ERICH1: variants seen among roughly 807,000 people sequenced by gnomAD.
ERICH1 encodes the protein glutamate rich 1.
ERICH1 carries 56 observed loss-of-function variants against 39.6 expected under a neutral mutation model. That is an observed-to-expected ratio of 1.41 (90% CI 1.14 to 1.77). The LOEUF (loss-of-function observed/expected upper bound fraction) is 1.77, where lower values mean the gene tolerates loss of function less well. Among genes scored for constraint, ERICH1 ranks in the 40% most tolerant of loss-of-function variants. The pLI is 0.00. For missense variants in ERICH1, 826 were observed against 575.4 expected (o/e 1.44, Z -4.45); for synonymous variants, 313 against 223.6 (o/e 1.40, Z -3.57).
In ERICH1 at chr8:673,409, C is replaced by T. The variant is rs1448113697; in HGVS notation, c.943G>A (p.Ala315Thr). The T allele has an allele frequency of 1.2e-6, 2 of 1,613,072 alleles. No individual in the cohort carries two copies. Among genetic ancestry groups the T allele is most frequent in the South Asian group, 1.1e-5 (1 of 90,982 alleles). ...GCACCGTCCTCCTCCCCGGAGTCTG[C>T]ACCCTCTTCCTCCCCAGCCCATGTC... ...DPTWAGEEEG[A>T]DSGEEDGADA... The change falls in exon 4 of 6, where the codon GCA becomes ACA. Residue 315 changes from alanine to threonine, a missense_variant. Ala to Thr is a moderately conservative substitution (Grantham distance 58). Coordinates refer to ENST00000262109, the MANE Select transcript of ERICH1 (RefSeq NM_207332.3).
intron 3 of ERICH1, among the ~76,000 whole-genome samples, chr8:685,938 G>A (rs566276275): frequency 5.4e-5 from 8 of 148,838 alleles, no homozygotes; most frequent in South Asian, 4.2e-4. Flanking sequence ...TGACCCCAGC[G>A]GTTCGAGACC....
chr8:629,881 CCTCCT>C, intron 3 of ERICH1, among the ~76,000 whole-genome samples: 1 of 129,780 alleles, frequency 7.7e-6, no homozygotes, highest in African/African-American at 3.3e-5. Flanking sequence ...TGACTCACAC[CCTCCT>C]GTGAGCACCC....
chr8:668,764 G>T lies in ERICH1; in HGVS notation c.1092C>A (p.Ala364=). 6.2e-7 allele frequency: 1 copy of T among 1,611,688 alleles called. No homozygotes were observed. Among genetic ancestry groups the T allele is most frequent in the South Asian group, 1.1e-5 (1 of 90,928 alleles). Residue 364 remains alanine (A), a synonymous_variant, in exon 5 of 6, where the codon GCC becomes GCA. Transcript: ENST00000262109. ...DGVSRDAASA[A]LADAAEELLD... ...GCAGCTCCTCAGCGGCATCTGCGAG[G>T]GCAGCTGAAGCTGCATCTCTGGAGA...
chr8:628,898 C>T (rs1000212654), intron 3 of ERICH1, among the ~76,000 whole-genome samples: 1 of 152,170 alleles, frequency 6.6e-6, no homozygotes, highest in Non-Finnish European at 1.5e-5. Flanking sequence ...CTTCCGCTCA[C>T]GAACCTCGGG....
chr8:634,168 C>CAAA (rs56687918), intron 3 of ERICH1, among the ~76,000 whole-genome samples: 12 of 91,996 alleles, frequency 1.3e-4, no homozygotes, highest in East Asian at 5.3e-4. Flanking sequence ...TCCTAAAACT[C>CAAA]AAAAAAAAAA....
chr8:620,434 C>T (rs1468405794), intron 3 of ERICH1, among the ~76,000 whole-genome samples: 1 of 152,132 alleles, frequency 6.6e-6, no homozygotes, highest in Non-Finnish European at 1.5e-5. Context: ...AGGCAGAGAT[C>T]ATCAGACTGA....
intron 1 of ERICH1, among the ~76,000 whole-genome samples, chr8:721,881 C>G (rs751111851): frequency 2.0e-5 from 3 of 152,290 alleles, no homozygotes; most frequent in Admixed American, 6.5e-5. Flanking sequence ...CTTATGAGCT[C>G]TAGATAGAGG....
At position 676,546 on chromosome 8, in the gene ERICH1, C is replaced by T. The variant is rs558340592; in HGVS notation, c.305-2499G>A. 1.2e-4 allele frequency among the ~76,000 whole-genome samples: 18 copies of T among 151,542 alleles called. No homozygotes were observed. The South Asian group carries it at 3.8e-3, about 32-fold the overall frequency. On this transcript the variant is annotated intron_variant, in intron 3 of 5. Transcript: ENST00000262109. Reference sequence around the variant, plus strand: ...GGCCCCTCGTGAGGACAGAGGCACACTACCCGTGCTGCTGCTCCCTGACAG... The same window carrying T: ...GGCCCCTCGTGAGGACAGAGGCACATTACCCGTGCTGCTGCTCCCTGACAG...
intron 2 of ERICH1, among the ~76,000 whole-genome samples, chr8:698,796 T>C (rs1185130002): frequency 6.6e-6 from 1 of 151,958 alleles, no homozygotes; most frequent in Non-Finnish European, 1.5e-5. Context: ...CTTTTGTCCA[T>C]TTTGCTGGAA....
At chr8:623,271 T>C (rs1480935949) in intron 3 of ERICH1, among the ~76,000 whole-genome samples, 1 of 152,168 alleles carries the variant, frequency 6.6e-6, no homozygotes, top group African/African-American at 2.4e-5. Flanking sequence ...AGACACCATA[T>C]GAATAAAGTA....
chr8:663,540 AGGACAGGCG>A (rs1563203188), downstream of ERICH1, among the ~76,000 whole-genome samples: 1 of 65,894 alleles, frequency 1.5e-5, no homozygotes, highest in African/African-American at 9.0e-5. Context: ...CGGGACAGGC[AGGACAGGCG>A]GGACAGGGCA....
intron 3 of ERICH1, chr8:627,202 C>A (rs1224144836): frequency 2.2e-6 from 1 of 456,134 alleles, no homozygotes; most frequent in Non-Finnish European, 4.4e-6. Flanking sequence ...GTGACCTGTA[C>A]CATTGGCCCA....
intron 3 of ERICH1, among the ~76,000 whole-genome samples, chr8:631,612 G>A (rs1263248617): frequency 6.6e-6 from 1 of 152,150 alleles, no homozygotes; most frequent in Non-Finnish European, 1.5e-5. Context: ...GGGCAATGCC[G>A]AGAGTTTTTT....
chr8:668,489 T>A, intron 5 of ERICH1, 109 bp downstream of exon 5: 1 of 1,052,038 alleles, frequency 9.5e-7, no homozygotes, highest in East Asian at 2.4e-5. Context: ...ATATGTGCAG[T>A]GTCATATTTT....
At chr8:619,898 C>T (rs1230602503) in intron 3 of ERICH1, among the ~76,000 whole-genome samples, 1 of 151,634 alleles carries the variant, frequency 6.6e-6, no homozygotes, top group African/African-American at 2.4e-5. Context: ...AGAGCAACCA[C>T]TAAGAAAATA....
At chr8:717,595 A>G (rs1816303720) in intron 1 of ERICH1, among the ~76,000 whole-genome samples, 1 of 152,256 alleles carries the variant, frequency 6.6e-6, no homozygotes, top group African/African-American at 2.4e-5. Context: ...TGGTAGGCAG[A>G]TAAGATGCAC....
chr8:703,508 G>A (rs368228653), intron 2 of ERICH1, among the ~76,000 whole-genome samples: 2 of 152,154 alleles, frequency 1.3e-5, no homozygotes, highest in Non-Finnish European at 2.9e-5. Context: ...CCCACCACCC[G>A]TGGGAGACCG....
chr8:722,334 AC>A (rs1445819507), intron 1 of ERICH1, among the ~76,000 whole-genome samples: 2 of 151,964 alleles, frequency 1.3e-5, no homozygotes, highest in Admixed American at 6.6e-5. Flanking sequence ...CAGAAAAAAC[AC>A]CCCGTCTGAA....
At chr8:687,105 G>A (rs1807596627) in intron 3 of ERICH1, among the ~76,000 whole-genome samples, 1 of 152,208 alleles carries the variant, frequency 6.6e-6, no homozygotes, top group Non-Finnish European at 1.5e-5. Flanking sequence ...CATTATAACT[G>A]TGCATTTACT....
Sources: allele counts gnomAD v4.1 joint callset (sites outside exome capture counted in the v4.1 genomes callset), GRCh38; gene constraint gnomAD v4.1.1; transcripts MANE v1.5; gene names NCBI Gene and HGNC (gene_info 2026-07-23, HGNC 2026-07-21).